ARIH2: variants seen among roughly 807,000 people sequenced by gnomAD.
ARIH2 encodes E3 ubiquitin-protein ligase ARIH2.
Under a neutral mutation model 79.8 loss-of-function variants are expected in ARIH2, and 12 were observed. The observed-to-expected ratio is 0.15, with a 90% CI of 0.10 to 0.24. The LOEUF is 0.24. Ranked by LOEUF, ARIH2 falls within the 10% of genes least tolerant of loss-of-function variation. The probability of loss-of-function intolerance (pLI) is 1.00; values close to 1 mark genes in which losing one functional copy is unlikely to be tolerated. For missense variants in ARIH2, 301 were observed against 618.3 expected, an observed-to-expected ratio of 0.49 and a Z score of 5.44; for synonymous variants, 224 against 213.9, an observed-to-expected ratio of 1.05 and a Z score of -0.41.
At chr3:48,925,863 G>A (rs1216955628) in intron 2 of ARIH2, among the ~76,000 whole-genome samples, 1 of 151,590 alleles carries the variant, frequency 6.6e-6, no homozygotes, top group East Asian at 1.9e-4. Context: ...GGGATTACAC[G>A]CACGCACCAC....
At chr3:48,959,743 C>G (rs1400452595) in intron 3 of ARIH2, among the ~76,000 whole-genome samples, 1 of 151,988 alleles carries the variant, frequency 6.6e-6, no homozygotes, top group East Asian at 1.9e-4. Flanking sequence ...AATAGAGACC[C>G]CCATCCTGAG....
chr3:48,936,612 A>C (rs1459839816), intron 3 of ARIH2, among the ~76,000 whole-genome samples: 2 of 152,150 alleles, frequency 1.3e-5, no homozygotes, highest in East Asian at 3.9e-4. Context: ...GCATGCCTGT[A>C]GTTCCAGCTA....
rs2089088611 is a variant in ARIH2 at position 48,946,079 on chromosome 3, A to G, written c.256-15533A>G. On this transcript the variant is annotated intron_variant, in intron 3 of 15. Coordinates refer to ENST00000356401, the MANE Select transcript of ARIH2 (RefSeq NM_006321.4). ...AAAGTGCCTCCAGAACAAAATGCTG[A>G]GATTGTAGATTTGCATGCTGCTAAC... 3.3e-5 allele frequency among the ~76,000 whole-genome samples: 5 copies of G among 152,100 alleles called. No individual in the cohort carries two copies. In the South Asian group the frequency reaches 1.0e-3, roughly 32 times the overall value.
At chr3:48,945,510 G>A (rs1322848434) in intron 3 of ARIH2, among the ~76,000 whole-genome samples, 1 of 152,110 alleles carries the variant, frequency 6.6e-6, no homozygotes, top group African/African-American at 2.4e-5. Flanking sequence ...CCTGGAACTC[G>A]CAAAACCTTT....
chr3:48,950,705 G>A (rs1036505152), intron 3 of ARIH2, among the ~76,000 whole-genome samples: 3 of 152,086 alleles, frequency 2.0e-5, no homozygotes, highest in Non-Finnish European at 2.9e-5. Flanking sequence ...GAGATGTGCC[G>A]TAAGTCTAAA....
intron 3 of ARIH2, among the ~76,000 whole-genome samples, chr3:48,941,484 T>G (rs1054822560): frequency 2.6e-5 from 4 of 152,164 alleles, no homozygotes. Context: ...TTCTCCTGGA[T>G]AGGAAGACCT....
chr3:48,967,397 G>C (rs1020875103), intron 6 of ARIH2, 122 bp downstream of exon 6: 9 of 1,110,276 alleles, frequency 8.1e-6, no homozygotes, highest in Non-Finnish European at 1.1e-5. Flanking sequence ...TTTATCATCA[G>C]AACTAGTGAT....
At chr3:48,937,602 G>GT (rs2087339836) in intron 3 of ARIH2, among the ~76,000 whole-genome samples, 1 of 152,154 alleles carries the variant, frequency 6.6e-6, no homozygotes, top group Admixed American at 6.6e-5. Flanking sequence ...TTCTCAGTAA[G>GT]TGTTGCTTTT....
chr3:48,923,365 A>C (rs1366777485), intron 2 of ARIH2, among the ~76,000 whole-genome samples: 1 of 151,528 alleles, frequency 6.6e-6, no homozygotes, highest in East Asian at 1.9e-4. Flanking sequence ...GTGCCACTGC[A>C]TTCCAGCCAG....
chr3:48,933,235 GGTGTGT>G (rs57911300), intron 3 of ARIH2, among the ~76,000 whole-genome samples: 4,734 of 134,200 alleles, frequency 0.035, 116 homozygotes, highest in Non-Finnish European at 0.05. Flanking sequence ...CACATGCCCG[GGTGTGT>G]GTGTGTGTGT....
chr3:48,980,532 G>T, intron 13 of ARIH2, 36 bp downstream of exon 13: 1 of 1,607,994 alleles, frequency 6.2e-7, no homozygotes, highest in Non-Finnish European at 8.5e-7. Flanking sequence ...CCCTGGTCCA[G>T]TGCCTGGCTC....
intron 3 of ARIH2, among the ~76,000 whole-genome samples, chr3:48,933,181 A>G (rs1268859866): frequency 2.0e-5 from 3 of 151,362 alleles, no homozygotes; most frequent in Non-Finnish European, 2.9e-5. Context: ...GGCTCAAACA[A>G]TCCTACTTCA....
At chr3:48,932,833 G>A (rs1343400723) in intron 3 of ARIH2, among the ~76,000 whole-genome samples, 6 of 152,174 alleles carry the variant, frequency 3.9e-5, no homozygotes, top group African/African-American at 1.4e-4. Context: ...TCCAGGAGGT[G>A]TAGTGAGCTA....
intron 11 of ARIH2, among the ~76,000 whole-genome samples, chr3:48,977,358 T>A (rs928329759): frequency 6.6e-6 from 1 of 151,896 alleles, no homozygotes; most frequent in Non-Finnish European, 1.5e-5. Flanking sequence ...ACAGGCTGAG[T>A]GCAGTGGTGC....
intron 3 of ARIH2, among the ~76,000 whole-genome samples, chr3:48,960,710 G>A (rs865959172): frequency 1.3e-5 from 2 of 151,122 alleles, no homozygotes; most frequent in South Asian, 2.1e-4. Flanking sequence ...GTTGCAGTGA[G>A]CCGAGGTCAT....
chr3:48,975,161 C>G, intron 11 of ARIH2, 182 bp downstream of exon 11: 2 of 953,902 alleles, frequency 2.1e-6, no homozygotes, highest in Non-Finnish European at 3.1e-6. Context: ...TTTGGTCCCT[C>G]TTATAATCCC....
At chr3:48,935,900 AGT>A (rs1258935231) in intron 3 of ARIH2, among the ~76,000 whole-genome samples, 3 of 152,186 alleles carry the variant, frequency 2.0e-5, no homozygotes, top group Admixed American at 6.5e-5. Context: ...GGTGCGTCTG[AGT>A]GTGCGTATGA....
chr3:48,979,080 A>T (rs1262167936), intron 11 of ARIH2, among the ~76,000 whole-genome samples: 1 of 152,190 alleles, frequency 6.6e-6, no homozygotes, highest in Admixed American at 6.5e-5. Context: ...TGAGGGTAGG[A>T]AGCAGTAGGG....
intron 3 of ARIH2, among the ~76,000 whole-genome samples, chr3:48,936,037 G>T (rs530866793): frequency 1.3e-5 from 2 of 152,290 alleles, no homozygotes; most frequent in South Asian, 4.1e-4. Flanking sequence ...CCGGGAAAAA[G>T]ATACAGGGAA....
Sources: allele counts gnomAD v4.1 joint callset (sites outside exome capture counted in the v4.1 genomes callset), GRCh38; gene constraint gnomAD v4.1.1; transcripts MANE v1.5; gene names NCBI Gene and HGNC (gene_info 2026-07-23, HGNC 2026-07-21).